Variants in OPCML observed in about 807,000 individuals in gnomAD.
The protein encoded by OPCML is opioid binding protein/cell adhesion molecule like.
A neutral mutation model predicts 37.8 loss-of-function variants in OPCML; 13 were observed. That is an observed-to-expected ratio of 0.34 (90% CI 0.22 to 0.55). OPCML has a LOEUF of 0.55. Ranked by LOEUF, OPCML falls within the 20% of genes least tolerant of loss-of-function variation. The pLI is 0.91. For synonymous variants in OPCML, 176 were observed against 168.8 expected, an observed-to-expected ratio of 1.04 and a Z score of -0.33; for missense variants, 341 against 435.6, an observed-to-expected ratio of 0.78 and a Z score of 1.93.
Position 132,943,340 on chromosome 11 carries a change from C to A in OPCML, c.62-330G>T, listed in dbSNP as rs779380703. ...CTGCATCCAAAAAGAGCTTTCTTGA[C>A]GCTCCCCTGGGGAGGAGGGAGGCGG... On this transcript the variant is annotated intron_variant, in intron 1 of 7. Coordinates refer to ENST00000524381, the MANE Select transcript of OPCML (RefSeq NM_001012393.5). The surrounding 1 kb of genome is among the most constrained non-coding windows in gnomAD (Gnocchi z 4.3). 7.0e-6 allele frequency: 4 copies of A among 574,034 alleles called. No homozygotes were observed. Among genetic ancestry groups the A allele is most frequent in the Admixed American group, 3.1e-5 (1 of 32,762 alleles). The allele number at this position is 574,034 out of a possible 1,614,324, so 35.6% of individuals were successfully genotyped here.
chr11:133,278,301 G>A (rs1168615965), intron 1 of OPCML, among the ~76,000 whole-genome samples: 2 of 151,842 alleles, frequency 1.3e-5, no homozygotes, highest in Admixed American at 6.6e-5. Flanking sequence ...CAATGATGAG[G>A]GTTTTGGGGT....
chr11:133,036,240 C>G (rs1446809149), intron 1 of OPCML, among the ~76,000 whole-genome samples: 1 of 152,164 alleles, frequency 6.6e-6, no homozygotes, highest in Non-Finnish European at 1.5e-5. Flanking sequence ...TTAAGAACTT[C>G]CCTAATGCCA....
chr11:133,379,504 T>C (rs1944887950), intron 1 of OPCML, among the ~76,000 whole-genome samples: 1 of 152,256 alleles, frequency 6.6e-6, no homozygotes, highest in South Asian at 2.1e-4. Flanking sequence ...CTAACTTTTT[T>C]GTTTGCTTTT....
chr11:133,485,563 A>G (rs1947508660), intron 1 of OPCML, among the ~76,000 whole-genome samples: 3 of 152,266 alleles, frequency 2.0e-5, no homozygotes, highest in Admixed American at 2.0e-4. Context: ...CAGTCCTCTC[A>G]TATAAATACC....
intron 2 of OPCML, among the ~76,000 whole-genome samples, chr11:132,890,328 A>C (rs1943591423): frequency 6.6e-6 from 1 of 152,214 alleles, no homozygotes; most frequent in African/African-American, 2.4e-5. Context: ...GTCAAGTTAC[A>C]AAAGAGCCAA....
At chr11:132,962,511 T>C (rs1047718356) in intron 1 of OPCML, among the ~76,000 whole-genome samples, 2 of 152,236 alleles carry the variant, frequency 1.3e-5, no homozygotes, top group African/African-American at 4.8e-5. Flanking sequence ...GTCTAGACTG[T>C]CGCGTGAGAG....
chr11:132,731,516 T>A (rs1945075134), intron 2 of OPCML, among the ~76,000 whole-genome samples: 1 of 152,226 alleles, frequency 6.6e-6, no homozygotes, highest in Non-Finnish European at 1.5e-5. Flanking sequence ...TATGTCTATA[T>A]ATGTTAACTC....
chr11:132,542,611 C>T (rs2096359505), intron 3 of OPCML, among the ~76,000 whole-genome samples: 1 of 152,122 alleles, frequency 6.6e-6, no homozygotes, highest in South Asian at 2.1e-4. Flanking sequence ...TCCTGCCCTG[C>T]TCTGCACCAT....
intron 2 of OPCML, among the ~76,000 whole-genome samples, chr11:132,878,025 A>G (rs1943084842): frequency 1.3e-5 from 2 of 152,182 alleles, no homozygotes; most frequent in South Asian, 4.1e-4. Flanking sequence ...TACTAAAAAT[A>G]CAACAAATTA....
intron 1 of OPCML, among the ~76,000 whole-genome samples, chr11:133,325,670 A>C (rs1270342217): frequency 6.6e-6 from 1 of 152,244 alleles, no homozygotes; most frequent in Non-Finnish European, 1.5e-5. Flanking sequence ...ACCCATTATC[A>C]GGAAATCTGA....
At chr11:132,472,127 C>T (rs1478632037) in intron 4 of OPCML, among the ~76,000 whole-genome samples, 1 of 152,190 alleles carries the variant, frequency 6.6e-6, no homozygotes, top group East Asian at 1.9e-4. Flanking sequence ...AACCAACATA[C>T]ATACATGTCA....
intron 4 of OPCML, among the ~76,000 whole-genome samples, chr11:132,464,209 C>G (rs1163692181): frequency 6.6e-6 from 1 of 152,170 alleles, no homozygotes; most frequent in Non-Finnish European, 1.5e-5. Flanking sequence ...GTGCTTGTGT[C>G]CCCATCTCCT....
At chr11:133,107,531 C>G (rs1218574050) in intron 1 of OPCML, among the ~76,000 whole-genome samples, 1 of 152,176 alleles carries the variant, frequency 6.6e-6, no homozygotes, top group Non-Finnish European at 1.5e-5. Context: ...ACCTGTCAGC[C>G]CACCAGAGCC....
chr11:133,197,090 T>TC (rs1178331049), intron 1 of OPCML, among the ~76,000 whole-genome samples: 1 of 152,160 alleles, frequency 6.6e-6, no homozygotes, highest in Non-Finnish European at 1.5e-5. Flanking sequence ...ATTAAGTTTC[T>TC]CCCCCAGTGG....
At chr11:133,349,768 C>T (rs76271099) in intron 1 of OPCML, among the ~76,000 whole-genome samples, 2,172 of 152,108 alleles carry the variant, frequency 0.014, 40 homozygotes, top group African/African-American at 0.045. Flanking sequence ...AGATCCCAGA[C>T]GGAAATAGTG....
intron 3 of OPCML, among the ~76,000 whole-genome samples, chr11:132,639,477 C>G (rs1386773613): frequency 3.3e-5 from 5 of 152,206 alleles, no homozygotes; most frequent in African/African-American, 1.2e-4. Flanking sequence ...CCATAAATCG[C>G]ACTTATGCTT....
chr11:132,419,206 A>G lies in OPCML; in HGVS notation c.*987T>C, dbSNP rs1484887220. ...AGAGATACAATATGGTTAGAGATTC[A>G]TATGGGGATGAATTGATAGTGAGTA... On this transcript the variant is annotated 3_prime_UTR_variant, in exon 8 of 8. Transcript: ENST00000524381. 1 of 152,274 alleles carries G rather than the reference A, an allele frequency of 6.6e-6. No homozygotes were observed. Among genetic ancestry groups the G allele is most frequent in the Non-Finnish European group, 1.5e-5 (1 of 68,042 alleles). 9.4% of individuals were successfully genotyped at this position (152,274 alleles called of 1,614,324 possible).
At chr11:132,775,866 A>T (rs1273874489) in intron 2 of OPCML, among the ~76,000 whole-genome samples, 1 of 152,234 alleles carries the variant, frequency 6.6e-6, no homozygotes, top group African/African-American at 2.4e-5. Flanking sequence ...GCTGCCCCTT[A>T]GATATATAAG....
intron 4 of OPCML, among the ~76,000 whole-genome samples, chr11:132,491,102 C>T (rs57936350): frequency 0.011 from 1,716 of 152,312 alleles, 36 homozygotes; most frequent in African/African-American, 0.039. Flanking sequence ...CACGTGTATG[C>T]TCCCATGATG....
Sources: allele counts gnomAD v4.1 joint callset (sites outside exome capture counted in the v4.1 genomes callset), GRCh38; gene constraint gnomAD v4.1.1; non-coding constraint Gnocchi (gnomAD v3.1); transcripts MANE v1.5; gene names NCBI Gene and HGNC (gene_info 2026-07-23, HGNC 2026-07-21).